The following ANK2 variants were observed in gnomAD, a reference collection of about 807,000 sequenced individuals.
The protein encoded by ANK2 is ankyrin 2.
In ANK2, 83 loss-of-function variants were observed where a neutral mutation model predicts 360.5. That is an observed-to-expected ratio of 0.23 (90% confidence interval 0.19 to 0.28). The LOEUF (loss-of-function observed/expected upper bound fraction) is 0.28. Among genes scored for constraint, ANK2 ranks in the 10% least tolerant of loss-of-function variants. ANK2 has a pLI of 1.00. For synonymous variants in ANK2, 1,740 were observed against 1,759.5 expected (o/e 0.99, Z 0.28); for missense variants, 4,201 against 4,795.7 (o/e 0.88, Z 3.66).
chr4:113,040,480 TTGC>T (rs1015032419), intron 2 of ANK2, among the ~76,000 whole-genome samples: 5 of 152,062 alleles, frequency 3.3e-5, no homozygotes, highest in East Asian at 1.9e-4. Context: ...CCCTAAACAA[TTGC>T]TGCTGCTGCT....
chr4:112,938,858 T>G (rs2093972354), intron 2 of ANK2, among the ~76,000 whole-genome samples: 1 of 152,234 alleles, frequency 6.6e-6, no homozygotes, highest in Admixed American at 6.5e-5. Flanking sequence ...GTAAACTCCA[T>G]GAAGGTAAAA....
At position 112,997,711 on chromosome 4, in the gene ANK2, A is replaced by C. The variant is rs997106015; in HGVS notation, c.21+93197A>C. Among the ~76,000 whole-genome samples the C allele has an allele frequency of 2.6e-5, 4 of 152,026 alleles. 1 individual carries two copies. In the South Asian group the frequency reaches 8.3e-4, roughly 31 times the overall value. On this transcript the variant is annotated intron_variant, in intron 2 of 30. Coordinates refer to the ANK2 transcript ENST00000503271. ...TTATTTTTTTCATTGACAAGTAAAA[A>C]TTGTATGTGGTATACAACATGGTAT...
chr4:112,729,498 A>G, the ANK2 span, among the ~76,000 whole-genome samples: 1 of 152,146 alleles, frequency 6.6e-6, no homozygotes, highest in Non-Finnish European at 1.5e-5. Flanking sequence ...GCTAAGGCCT[A>G]TAATCCCAGC....
intron 1 of ANK2, among the ~76,000 whole-genome samples, chr4:113,170,226 A>T (rs1469321929): frequency 6.6e-6 from 1 of 152,218 alleles, no homozygotes; most frequent in Non-Finnish European, 1.5e-5. Flanking sequence ...AAAATGTTTC[A>T]CTGTGGATTT....
the ANK2 span, among the ~76,000 whole-genome samples, chr4:112,773,474 T>C: frequency 6.6e-6 from 1 of 152,068 alleles, no homozygotes; most frequent in Non-Finnish European, 1.5e-5. Flanking sequence ...AAGTAAAAAG[T>C]AAAAACTTCT....
Position 113,341,807 on chromosome 4 carries a change from A to G in ANK2, c.4013A>G (p.Asp1338Gly). The change falls in exon 33 of 46, where the codon GAC becomes GGC. Residue 1338 changes from aspartate to glycine, a missense_variant. Physicochemically the swap from Asp to Gly is moderately conservative, Grantham distance 94. This residue lies in a region of ANK2 where 1,268 missense variants were observed against 1,650.8 expected (regional missense o/e 0.77). Coordinates refer to ENST00000357077, the MANE Select transcript of ANK2 (RefSeq NM_001148.6). ...TTTGTAGTGTTTGCCAAATCACATG[A>G]CCCCATTGAAGCCAGGTTGAGGTGT... ...AKFVVFAKSH[D>G]PIEARLRCFC... 1 of 1,614,086 alleles carries G rather than the reference A, an allele frequency of 6.2e-7. No individual in the cohort carries two copies.
the ANK2 span, among the ~76,000 whole-genome samples, chr4:112,755,110 C>T: frequency 2.0e-5 from 3 of 152,260 alleles, no homozygotes; most frequent in East Asian, 3.9e-4. Context: ...GCCCTGCTTC[C>T]GCACCTCAAT....
At chr4:113,242,015 G>A (rs1371652050) in intron 8 of ANK2, 96 bp from the exon 9 acceptor site, 59 of 941,632 alleles carry the variant, frequency 6.3e-5, no homozygotes, top group South Asian at 5.3e-4. Context: ...AAATTACCAC[G>A]TAGGTCACAA....
chr4:113,101,908 C>T (rs114312851), intron 1 of ANK2, among the ~76,000 whole-genome samples: 5 of 152,138 alleles, frequency 3.3e-5, no homozygotes, highest in South Asian at 4.2e-4. Context: ...CACATGCAAG[C>T]CCTGAAGTGG....
rs362494 is a variant in ANK2 at position 113,218,144 on chromosome 4, C to T, written c.385-14017C>T. The stretch of plus-strand genomic sequence containing the variant: ...CAAACATTATAAAACCTATTTATAA[C>T]CCCTTGTTCTAATGCTCTAACCTTT... On this transcript the variant is annotated intron_variant, in intron 4 of 45. Transcript: ENST00000357077. Among the ~76,000 whole-genome samples the T allele has an allele frequency of 2.1e-5, 3 of 145,864 alleles. 1 individual carries two copies. In the South Asian group the frequency reaches 6.9e-4, roughly 34 times the overall value.
At chr4:112,883,905 T>A (rs939739211) in intron 1 of ANK2, among the ~76,000 whole-genome samples, 2 of 149,344 alleles carry the variant, frequency 1.3e-5, no homozygotes, top group African/African-American at 2.4e-5. Context: ...TATATATATA[T>A]AAAATGATTC....
intron 1 of ANK2, among the ~76,000 whole-genome samples, chr4:113,171,504 A>G (rs567905070): frequency 3.9e-5 from 6 of 152,302 alleles, no homozygotes; most frequent in Admixed American, 3.3e-4. Flanking sequence ...TTATGATAAT[A>G]TTTCCATTTA....
the ANK2 span, among the ~76,000 whole-genome samples, chr4:112,774,699 G>A: frequency 6.6e-6 from 1 of 152,192 alleles, no homozygotes; most frequent in African/African-American, 2.4e-5. Context: ...AAGTGAAATG[G>A]TAAAGAAAGA....
chr4:113,346,899 G>A (rs1347610910), intron 35 of ANK2, among the ~76,000 whole-genome samples: 1 of 152,032 alleles, frequency 6.6e-6, no homozygotes, highest in Non-Finnish European at 1.5e-5. Flanking sequence ...TAAATGTTGT[G>A]GATAATTTAT....
At chr4:113,054,033 T>G (rs1273879448) in intron 1 of ANK2, among the ~76,000 whole-genome samples, 1 of 152,210 alleles carries the variant, frequency 6.6e-6, no homozygotes, top group Non-Finnish European at 1.5e-5. Context: ...GAGATTTTGG[T>G]AATTTACATA....
At chr4:112,745,443 A>G in the ANK2 span, among the ~76,000 whole-genome samples, 2 of 152,168 alleles carry the variant, frequency 1.3e-5, no homozygotes, top group Admixed American at 1.3e-4. Context: ...TGTTACAAAC[A>G]ATCCAATTAT....
At chr4:112,923,902 T>C (rs1356332825) in intron 2 of ANK2, among the ~76,000 whole-genome samples, 1 of 152,200 alleles carries the variant, frequency 6.6e-6, no homozygotes, top group Non-Finnish European at 1.5e-5. Flanking sequence ...ATTCTTCCAG[T>C]TGTGAAACAC....
intron 35 of ANK2, 121 bp from the exon 36 acceptor site, chr4:113,348,155 G>C: frequency 1.1e-6 from 1 of 948,246 alleles, no homozygotes; most frequent in Admixed American, 1.9e-5. Flanking sequence ...TATGTTGACT[G>C]TATGCTTGCC....
chr4:113,119,582 A>G (rs2095195271), intron 1 of ANK2, among the ~76,000 whole-genome samples: 1 of 152,178 alleles, frequency 6.6e-6, no homozygotes, highest in Admixed American at 6.5e-5. Flanking sequence ...AAGTAATTTT[A>G]AAATTATCAT....
Sources: gnomAD v4.1 joint callset for allele counts (sites outside exome capture counted in the v4.1 genomes callset) on GRCh38, gnomAD v4.1.1 for gene constraint, gnomAD v4.1.1 regional missense constraint, MANE v1.5 for transcripts, NCBI Gene and HGNC (gene_info 2026-07-23, HGNC 2026-07-21) for gene names.